Variants in STARD9 observed in about 807,000 individuals in gnomAD.
The protein encoded by STARD9 is stAR-related lipid transfer protein 9.
A neutral mutation model predicts 399.8 loss-of-function variants in STARD9; 346 were observed. That is an observed-to-expected ratio of 0.87 (90% CI 0.79 to 0.95). The LOEUF is 0.95. Among genes scored for constraint, STARD9 ranks in the 40% least tolerant of loss-of-function variants. STARD9 has a pLI of 0.00. For missense variants in STARD9, 5,832 were observed against 5,667.5 expected (o/e 1.03, Z -0.93); for synonymous variants, 2,203 against 2,143.5 (o/e 1.03, Z -0.77).
chr15:42,668,028 A>G (rs931205033), intron 15 of STARD9, among the ~76,000 whole-genome samples: 1 of 152,204 alleles, frequency 6.6e-6, no homozygotes, highest in African/African-American at 2.4e-5. Flanking sequence ...AATCATTCCA[A>G]ACTCATTAGC....
chr15:42,616,107 T>G (rs2058958586), intron 3 of STARD9, among the ~76,000 whole-genome samples: 1 of 151,770 alleles, frequency 6.6e-6, no homozygotes, highest in African/African-American at 2.4e-5. Context: ...AAAGAAAAAA[T>G]GTAATTGTGT....
At chr15:42,716,655 C>T in intron 26 of STARD9, 22 bp from the exon 27 acceptor site, 3 of 1,469,298 alleles carry the variant, frequency 2.0e-6, no homozygotes, top group Non-Finnish European at 2.8e-6. Context: ...TGGCTCTGTC[C>T]TGAGTATCCT....
chr15:42,653,358 A>G (rs1372896524), intron 9 of STARD9, among the ~76,000 whole-genome samples: 2 of 152,218 alleles, frequency 1.3e-5, no homozygotes, highest in African/African-American at 2.4e-5. Context: ...AGTGAGAAGT[A>G]CCACACCCAA....
intron 26 of STARD9, among the ~76,000 whole-genome samples, chr15:42,705,897 C>T (rs1394314499): frequency 6.6e-6 from 1 of 152,054 alleles, no homozygotes; most frequent in East Asian, 1.9e-4. Flanking sequence ...GGATTACAGG[C>T]GCCTGCCCCC....
Position 42,691,186 on chromosome 15 carries a change from C to T in STARD9, c.9608C>T (p.Pro3203Leu). The part of the protein sequence containing the change: ...FVARLKHTCS[P>L]QEDSPWQEEE... ...GCAAGGTTAAAACATACCTGCAGCC[C>T]CCAGGAAGACAGTCCCTGGCAGGAA... Residue 3203 changes from proline (P) to leucine (L), a missense_variant, in exon 23 of 33, where the codon CCC (proline) becomes CTC (leucine). By Grantham distance (98) the Pro-to-Leu change is moderately conservative. Around this residue, in one of 2 missense-constraint regions of STARD9, gnomAD observed 5,828 missense variants for 5,651.1 expected, o/e 1.03. Transcript: ENST00000290607. 1 of 1,537,214 alleles carries T rather than the reference C, an allele frequency of 6.5e-7. No individual in the cohort carries two copies. Among genetic ancestry groups the T allele is most frequent in the Non-Finnish European group, 8.7e-7 (1 of 1,146,892 alleles).
chr15:42,616,449 C>T (rs144106259), intron 3 of STARD9, among the ~76,000 whole-genome samples: 2 of 152,310 alleles, frequency 1.3e-5, no homozygotes, highest in African/African-American at 4.8e-5. Context: ...AGAGTAATAG[C>T]TTAGTGTTCA....
At chr15:42,704,200 C>G (rs770355370) in intron 26 of STARD9, among the ~76,000 whole-genome samples, 17 of 152,210 alleles carry the variant, frequency 1.1e-4, no homozygotes, top group Non-Finnish European at 2.5e-4. Flanking sequence ...CATGAGCTAC[C>G]ACGCCTGGCC....
At chr15:42,630,648 A>C (rs1229579838) in intron 3 of STARD9, among the ~76,000 whole-genome samples, 1 of 152,054 alleles carries the variant, frequency 6.6e-6, no homozygotes, top group African/African-American at 2.4e-5. Context: ...GTCATGGTTC[A>C]ATTTTGGTAG....
intron 3 of STARD9, among the ~76,000 whole-genome samples, chr15:42,590,323 A>G (rs2058369565): frequency 6.6e-6 from 1 of 152,190 alleles, no homozygotes; most frequent in South Asian, 2.1e-4. Flanking sequence ...CTTTGGAAGC[A>G]TGGATTCTAA....
chr15:42,610,131 A>T (rs1363210522), intron 3 of STARD9, among the ~76,000 whole-genome samples: 1 of 152,126 alleles, frequency 6.6e-6, no homozygotes, highest in African/African-American at 2.4e-5. Flanking sequence ...GTGTTTGAAT[A>T]AGAGTCTCAT....
chr15:42,650,448 A>G (rs945552011), intron 7 of STARD9, among the ~76,000 whole-genome samples: 1 of 152,192 alleles, frequency 6.6e-6, no homozygotes, highest in Non-Finnish European at 1.5e-5. Flanking sequence ...TCCCCATTCT[A>G]TAGTGGCTAA....
intron 6 of STARD9, 126 bp from the exon 7 acceptor site, chr15:42,638,573 TG>T (rs768522234): frequency 4.5e-5 from 27 of 605,210 alleles, no homozygotes; most frequent in Non-Finnish European, 6.8e-5. Context: ...AACCTTGGCT[TG>T]ATCATTGCCT....
At chr15:42,594,008 A>G (rs1391935016) in intron 3 of STARD9, among the ~76,000 whole-genome samples, 1 of 152,172 alleles carries the variant, frequency 6.6e-6, no homozygotes, top group African/African-American at 2.4e-5. Context: ...TCCACAATAT[A>G]CTGAACATCA....
At chr15:42,576,844 A>C (rs1354193731) in intron 1 of STARD9, among the ~76,000 whole-genome samples, 1 of 152,344 alleles carries the variant, frequency 6.6e-6, no homozygotes, top group East Asian at 1.9e-4. Context: ...GAGCAATGAG[A>C]TAGAAAGAAA....
Position 42,692,864 on chromosome 15 carries a change from A to T in STARD9, c.11286A>T (p.Glu3762Asp). ...AEPQGANVIL[E>D]GLGSDTSTVS... ...CTCAGGGAGCCAATGTGATCCTTGA[A>T]GGGCTAGGCTCAGATACCTCGACTG... Residue 3762 changes from glutamate to aspartate, a missense_variant, in exon 23 of 33, where the codon GAA becomes GAT. Physicochemically the swap from Glu to Asp is conservative, Grantham distance 45. Coordinates refer to ENST00000290607, the MANE Select transcript of STARD9 (RefSeq NM_020759.3). 6.5e-7 allele frequency: 1 copy of T among 1,537,248 alleles called. No individual in the cohort carries two copies. The highest frequency in any genetic ancestry group is 8.7e-7 in the Non-Finnish European group (1 of 1,146,912).
intron 3 of STARD9, among the ~76,000 whole-genome samples, chr15:42,603,826 A>G (rs1032524809): frequency 1.1e-4 from 17 of 152,194 alleles, no homozygotes; most frequent in African/African-American, 4.1e-4. Context: ...TGGTCATCAG[A>G]ATACAGGGTC....
intron 3 of STARD9, among the ~76,000 whole-genome samples, chr15:42,608,150 T>A (rs907334955): frequency 6.6e-6 from 1 of 152,200 alleles, no homozygotes; most frequent in African/African-American, 2.4e-5. Context: ...TGACTTGCTA[T>A]GAAGGGCTGA....
chr15:42,687,159 A>G lies in STARD9; in HGVS notation c.5581A>G (p.Thr1861Ala), dbSNP rs1210700507. The change falls in exon 23 of 33, where the codon ACC becomes GCC. Residue 1861 changes from threonine (T) to alanine (A), a missense_variant. Transcript: ENST00000290607. Reference sequence around the variant, plus strand: ...TCAGAACAGACATTTTCTCCCCTCTACCAGCACAAAAGTATGTGAATTTGA... The same window carrying G: ...TCAGAACAGACATTTTCTCCCCTCTGCCAGCACAAAAGTATGTGAATTTGA... The part of the protein sequence containing the change: ...VTQNRHFLPS[T>A]STKVCEFENQ... 1.3e-6 allele frequency: 2 copies of G among 1,537,294 alleles called. No homozygotes were observed. Among genetic ancestry groups the G allele is most frequent in the Non-Finnish European group, 1.7e-6 (2 of 1,146,892 alleles).
intron 9 of STARD9, 81 bp downstream of exon 9, chr15:42,652,673 T>C: frequency 4.6e-6 from 6 of 1,293,132 alleles, no homozygotes; most frequent in Non-Finnish European, 6.5e-6. Flanking sequence ...TTCCTATTTC[T>C]TTTTTTGTTT....
Sources: gnomAD v4.1 joint callset for allele counts (sites outside exome capture counted in the v4.1 genomes callset) on GRCh38, gnomAD v4.1.1 for gene constraint, gnomAD v4.1.1 regional missense constraint, MANE v1.5 for transcripts, NCBI Gene and HGNC (gene_info 2026-07-23, HGNC 2026-07-21) for gene names.